SGTB: variants seen among roughly 807,000 people sequenced by gnomAD.
SGTB encodes the protein small glutamine-rich tetratricopeptide repeat-containing protein beta.
Under a neutral mutation model 43.9 loss-of-function variants are expected in SGTB, and 19 were observed. The observed-to-expected ratio is 0.43, with a 90% CI of 0.30 to 0.63. The LOEUF (loss-of-function observed/expected upper bound fraction) is 0.63. Ranked by LOEUF, SGTB falls within the 30% of genes least tolerant of loss-of-function variation. SGTB has a pLI of 0.12. For missense variants in SGTB, 304 were observed against 358.9 expected (o/e 0.85, Z 1.24); for synonymous variants, 116 against 117.3 (o/e 0.99, Z 0.07).
chr5:65,677,282 GAA>G (rs1757300506), intron 8 of SGTB, among the ~76,000 whole-genome samples: 1 of 138,232 alleles, frequency 7.2e-6, no homozygotes, highest in Non-Finnish European at 1.6e-5. Flanking sequence ...GAACCAGGAA[GAA>G]ATTGAATCCC....
In SGTB at chr5:65,707,007, T is replaced by C. The variant is rs538282916; in HGVS notation, c.274+1482A>G. On this transcript the variant is annotated intron_variant, in intron 4 of 10. Transcript: ENST00000381007. ...CAGGCGTGGTGGCTCAAGCCTGTAA[T>C]CTCAGCACTTTGGGAAGCTGAGGTG... 3.4e-3 allele frequency among the ~76,000 whole-genome samples: 517 copies of C among 152,094 alleles called. 3 individuals are homozygous for C. Among genetic ancestry groups the C allele is most frequent in the African/African-American group, 0.011 (473 of 41,478 alleles).
intron 10 of SGTB, 134 bp from the exon 11 acceptor site, chr5:65,670,491 T>C (rs1757134452): frequency 1.6e-6 from 1 of 641,784 alleles, no homozygotes; most frequent in South Asian, 2.0e-5. Flanking sequence ...GAGCCATGAC[T>C]TTAGAATCTA....
upstream of SGTB, chr5:65,722,231 TG>T: frequency 2.2e-6 from 1 of 449,480 alleles, no homozygotes; most frequent in Non-Finnish European, 3.7e-6. Context: ...CTGCCGCACG[TG>T]GGAGGGCGCT....
chr5:65,720,866 T>G (rs1758258418), intron 1 of SGTB, 37 bp from the exon 2 acceptor site: 2 of 1,588,282 alleles, frequency 1.3e-6, no homozygotes, highest in Non-Finnish European at 1.7e-6. Context: ...ACTAAGTTAT[T>G]TTAAAGAATC....
At chr5:65,718,486 G>T (rs1342006104) in intron 2 of SGTB, among the ~76,000 whole-genome samples, 1 of 152,194 alleles carries the variant, frequency 6.6e-6, no homozygotes, top group Non-Finnish European at 1.5e-5. Flanking sequence ...TAGTGCTAGA[G>T]AGAGTGACAG....
rs541742477 is a variant in SGTB at position 65,713,495 on chromosome 5, T to G, written c.101-431A>C. Reference sequence around the variant, plus strand: ...AGCCACATGCTAACTGTTTAAATTTTTTTGCAGAGACAGGGTCTTGCCAGG... The same window carrying G: ...AGCCACATGCTAACTGTTTAAATTTGTTTGCAGAGACAGGGTCTTGCCAGG... On this transcript the variant is annotated intron_variant, in intron 2 of 10. Coordinates refer to ENST00000381007, the MANE Select transcript of SGTB (RefSeq NM_019072.3). 5.3e-5 allele frequency among the ~76,000 whole-genome samples: 8 copies of G among 152,108 alleles called. No homozygotes were observed. In the East Asian group the frequency reaches 1.3e-3, roughly 26 times the overall value.
intron 6 of SGTB, 45 bp from the exon 7 acceptor site, chr5:65,680,839 A>G: frequency 6.4e-7 from 1 of 1,567,808 alleles, no homozygotes; most frequent in East Asian, 2.2e-5. Flanking sequence ...TGATTAAAGA[A>G]CATCAGGACA....
intron 10 of SGTB, 69 bp downstream of exon 10, chr5:65,671,846 C>T: frequency 7.2e-7 from 1 of 1,394,826 alleles, no homozygotes; most frequent in Non-Finnish European, 1.0e-6. Flanking sequence ...AGCCCTGACC[C>T]CTCACCATAG....
At chr5:65,714,649 C>T (rs1043459361) in intron 2 of SGTB, among the ~76,000 whole-genome samples, 4 of 152,070 alleles carry the variant, frequency 2.6e-5, no homozygotes, top group South Asian at 2.1e-4. Context: ...ACCCCATCTC[C>T]GCTAAAAAAG....
At chr5:65,722,371 C>A, upstream of SGTB, 1 of 1,581,414 alleles carries the variant, frequency 6.3e-7, no homozygotes, top group Non-Finnish European at 8.6e-7. Context: ...TCTCAGCGCT[C>A]CCATGATCGC....
chr5:65,666,625 G>C lies in SGTB; in HGVS notation c.*3621C>G, dbSNP rs754700641. On this transcript the variant is annotated 3_prime_UTR_variant, in exon 11 of 11. Transcript: ENST00000381007. ...AAAGTAGCTAGCACAATCCAACCAC[G>C]CAACTTTTTTTGAAATAGCTTGCAA... The C allele has an allele frequency of 6.6e-6, 1 of 152,084 alleles. No individual in the cohort carries two copies. The highest frequency in any genetic ancestry group is 6.6e-5 in the Admixed American group (1 of 15,266). The allele number at this position is 152,084 out of a possible 1,614,324, so 9.4% of individuals were successfully genotyped here.
intron 8 of SGTB, among the ~76,000 whole-genome samples, chr5:65,674,064 A>G (rs1259656578): frequency 6.6e-6 from 1 of 152,158 alleles, no homozygotes; most frequent in Non-Finnish European, 1.5e-5. Context: ...AGGTGAAAGG[A>G]GCAGCAAAGT....
intron 5 of SGTB, among the ~76,000 whole-genome samples, chr5:65,689,911 A>AT (rs1046582415): frequency 1.6e-4 from 24 of 152,048 alleles, no homozygotes; most frequent in African/African-American, 5.6e-4. Flanking sequence ...AGTTTAAAAA[A>AT]AATTAAGATT....
At chr5:65,698,609 T>C (rs771685016) in intron 5 of SGTB, among the ~76,000 whole-genome samples, 4 of 152,096 alleles carry the variant, frequency 2.6e-5, no homozygotes, top group East Asian at 1.9e-4. Flanking sequence ...ACCCACAGAA[T>C]TGGAGAAAAT....
At chr5:65,714,748 G>A (rs969378742) in intron 2 of SGTB, among the ~76,000 whole-genome samples, 2 of 152,224 alleles carry the variant, frequency 1.3e-5, no homozygotes, top group Admixed American at 6.5e-5. Context: ...CCAGGAGGCA[G>A]TGGTTGCAGT....
At chr5:65,719,238 G>A (rs1345651716) in intron 2 of SGTB, among the ~76,000 whole-genome samples, 1 of 152,176 alleles carries the variant, frequency 6.6e-6, no homozygotes, top group East Asian at 1.9e-4. Flanking sequence ...TTCAAGATGG[G>A]ATTTATAACT....
chr5:65,718,884 C>A (rs1355764472), intron 2 of SGTB, among the ~76,000 whole-genome samples: 1 of 151,910 alleles, frequency 6.6e-6, no homozygotes, highest in Non-Finnish European at 1.5e-5. Context: ...TTCTTTCTGG[C>A]CCTTAAAACT....
At chr5:65,722,444 C>A (rs201139520), upstream of SGTB, 1 of 1,565,492 alleles carries the variant, frequency 6.4e-7, no homozygotes, top group Non-Finnish European at 8.7e-7. Context: ...TAACCTTGGC[C>A]GTGGGCAGGG....
At chr5:65,693,555 T>C (rs150334045) in intron 5 of SGTB, among the ~76,000 whole-genome samples, 218 of 150,188 alleles carry the variant, frequency 1.5e-3, no homozygotes, top group Non-Finnish European at 1.8e-3. Context: ...ATAGGTTTAA[T>C]TTTTTTTTTA....
Sources: allele counts gnomAD v4.1 joint callset (sites outside exome capture counted in the v4.1 genomes callset), GRCh38; gene constraint gnomAD v4.1.1; transcripts MANE v1.5; gene names NCBI Gene and HGNC (gene_info 2026-07-23, HGNC 2026-07-21).